Variants in TECPR2 observed in about 807,000 individuals in gnomAD.
TECPR2 encodes tectonin beta-propeller repeat containing 2.
Under a neutral mutation model 138.1 loss-of-function variants are expected in TECPR2, and 65 were observed. The ratio of observed to expected loss-of-function variants is 0.47; its 90% CI spans 0.39 to 0.58. The LOEUF (loss-of-function observed/expected upper bound fraction) is 0.58. Ranked by LOEUF, TECPR2 falls within the 20% of genes least tolerant of loss-of-function variation. The pLI is 0.00. For missense variants in TECPR2, 1,553 were observed against 1,824.5 expected (o/e 0.85, Z 2.71); for synonymous variants, 746 against 749.8 (o/e 0.99, Z 0.08).
chr14:102,437,747 A>G (rs1889706627), intron 9 of TECPR2, among the ~76,000 whole-genome samples: 1 of 152,132 alleles, frequency 6.6e-6, no homozygotes, highest in Non-Finnish European at 1.5e-5. Flanking sequence ...GTGATGCTCT[A>G]AGCGTTACAT....
At chr14:102,438,329 G>A in intron 10 of TECPR2, 124 bp downstream of exon 10, 1 of 1,272,228 alleles carries the variant, frequency 7.9e-7, no homozygotes, top group Non-Finnish European at 1.0e-6. Context: ...ACGCTGCCGT[G>A]CGTTCACCAG....
intron 2 of TECPR2, among the ~76,000 whole-genome samples, chr14:102,399,788 G>A (rs1888421057): frequency 6.6e-6 from 1 of 151,176 alleles, no homozygotes; most frequent in Non-Finnish European, 1.5e-5. Context: ...CTGAGATCTG[G>A]CCACTGCGCT....
chr14:102,497,699 G>A lies in TECPR2; in HGVS notation c.4061G>A (p.Gly1354Asp). The change falls in exon 19 of 20, where the codon GGC (glycine) becomes GAC (aspartate). Residue 1354 changes from glycine (G) to aspartate (D), a missense_variant. Coordinates refer to ENST00000359520, the MANE Select transcript of TECPR2 (RefSeq NM_014844.5). ...GGGGACTACTGGAAGAAAATTCCCGGCAGCGTGTCGTGTTTCACAGGCAGG... is the reference window on the plus strand; with the variant it reads ...GGGGACTACTGGAAGAAAATTCCCGACAGCGTGTCGTGTTTCACAGGCAGG... ...PAGDYWKKIP[G>D]SVSCFTVTAS... is the part of the protein sequence containing the mutation. 1 of 1,607,362 alleles carries A rather than the reference G, an allele frequency of 6.2e-7. No homozygotes were observed. The highest frequency in any genetic ancestry group is 8.5e-7 in the Non-Finnish European group (1 of 1,176,838).
At position 102,461,265 on chromosome 14, in the gene TECPR2, G is replaced by A. The variant is rs191165013; in HGVS notation, c.3641-3876G>A. Among the ~76,000 whole-genome samples, 923 of 152,240 alleles carry A rather than the reference G, an allele frequency of 6.1e-3. 2 individuals are homozygous for A. Among genetic ancestry groups the A allele is most frequent in the Non-Finnish European group, 9.4e-3 (641 of 68,024 alleles). On this transcript the variant is annotated intron_variant, in intron 16 of 19. Coordinates refer to ENST00000359520, the MANE Select transcript of TECPR2 (RefSeq NM_014844.5). ...TAAATATGCATTATGTCAGGCATTG[G>A]AATGTTTAGCAAACTAATGAAATTT...
intron 4 of TECPR2, 67 bp downstream of exon 4, chr14:102,408,686 C>T: frequency 6.8e-7 from 1 of 1,469,244 alleles, no homozygotes; most frequent in Non-Finnish European, 9.1e-7. Context: ...ATATTTATAA[C>T]TTGTATTTTT....
chr14:102,403,831 C>T (rs938939712), intron 2 of TECPR2, among the ~76,000 whole-genome samples: 4 of 152,012 alleles, frequency 2.6e-5, no homozygotes, highest in African/African-American at 9.7e-5. Context: ...TGAAACATTG[C>T]TGAAAGAAAT....
intron 1 of TECPR2, among the ~76,000 whole-genome samples, chr14:102,369,553 T>A (rs905301960): frequency 1.2e-4 from 18 of 151,610 alleles, no homozygotes; most frequent in African/African-American, 4.4e-4. Context: ...GCCTCCTGAG[T>A]AGATGGTACT....
chr14:102,391,394 G>A (rs1309717641), intron 2 of TECPR2, among the ~76,000 whole-genome samples: 2 of 152,034 alleles, frequency 1.3e-5, no homozygotes, highest in Non-Finnish European at 2.9e-5. Flanking sequence ...ACACGCATGT[G>A]GTAAAGCTAT....
intron 17 of TECPR2, among the ~76,000 whole-genome samples, chr14:102,469,621 G>GA (rs1307775226): frequency 6.6e-6 from 1 of 152,206 alleles, no homozygotes; most frequent in Non-Finnish European, 1.5e-5. Context: ...GAAGTGGCGA[G>GA]AATGGGCCTC....
intron 2 of TECPR2, among the ~76,000 whole-genome samples, chr14:102,377,303 G>A (rs370235509): frequency 2.0e-3 from 307 of 152,278 alleles, no homozygotes; most frequent in South Asian, 7.9e-3. Context: ...CCACAGGGAT[G>A]ACTGCCACAC....
chr14:102,494,941 G>A (rs1342411607), intron 17 of TECPR2, among the ~76,000 whole-genome samples: 1 of 152,108 alleles, frequency 6.6e-6, no homozygotes, highest in Non-Finnish European at 1.5e-5. Context: ...GGCCAGGCAC[G>A]GTGGCTCACG....
intron 4 of TECPR2, among the ~76,000 whole-genome samples, chr14:102,410,955 C>T (rs922373088): frequency 5.9e-5 from 9 of 152,302 alleles, no homozygotes; most frequent in African/African-American, 1.9e-4. Flanking sequence ...TATCCTGAGT[C>T]GTCCCAATTC....
chr14:102,386,644 G>A (rs565407410), intron 2 of TECPR2, among the ~76,000 whole-genome samples: 1 of 152,278 alleles, frequency 6.6e-6, no homozygotes, highest in East Asian at 1.9e-4. Context: ...GGGATGGGCT[G>A]AGGGAGGAAG....
Position 102,497,670 on chromosome 14 carries a change from C to A in TECPR2, c.4032C>A (p.Pro1344=). ...ARRYGVTDKN[P]AGDYWKKIPG... ...GGTACGGCGTCACAGACAAGAACCCCGCCGGGGACTACTGGAAGAAAATTC... is the reference window on the plus strand; with the variant it reads ...GGTACGGCGTCACAGACAAGAACCCAGCCGGGGACTACTGGAAGAAAATTC... Residue 1344 remains proline, a synonymous_variant, in exon 19 of 20, where the codon CCC becomes CCA. Coordinates refer to ENST00000359520, the MANE Select transcript of TECPR2 (RefSeq NM_014844.5). The A allele has an allele frequency of 6.2e-7, 1 of 1,608,988 alleles. No individual in the cohort carries two copies. The highest frequency in any genetic ancestry group is 1.7e-5 in the Admixed American group (1 of 59,622).
intron 2 of TECPR2, among the ~76,000 whole-genome samples, chr14:102,394,227 G>A (rs925210678): frequency 2.0e-5 from 3 of 151,988 alleles, no homozygotes; most frequent in Non-Finnish European, 2.9e-5. Flanking sequence ...AGAAAGTATC[G>A]AGCACAGAGG....
intron 1 of TECPR2, among the ~76,000 whole-genome samples, chr14:102,367,416 CCTT>C (rs1887373125): frequency 6.6e-6 from 1 of 152,144 alleles, no homozygotes; most frequent in South Asian, 2.1e-4. Flanking sequence ...CACCCTAACC[CCTT>C]CTTCTCCCAG....
intron 1 of TECPR2, among the ~76,000 whole-genome samples, chr14:102,368,425 C>T (rs1015633234): frequency 1.3e-5 from 2 of 152,136 alleles, no homozygotes; most frequent in African/African-American, 4.8e-5. Context: ...AGGCTGGTCT[C>T]AAATTCCTGG....
chr14:102,447,176 G>T (rs924952313), intron 13 of TECPR2, among the ~76,000 whole-genome samples: 4 of 152,068 alleles, frequency 2.6e-5, no homozygotes, highest in African/African-American at 9.7e-5. Context: ...TTTTTCTGGG[G>T]CAGAGTCTCA....
chr14:102,460,093 A>G (rs1346676480), intron 16 of TECPR2, among the ~76,000 whole-genome samples: 4 of 152,050 alleles, frequency 2.6e-5, no homozygotes, highest in Admixed American at 1.3e-4. Flanking sequence ...CAACATAGCA[A>G]AACCCTGTCT....
Sources: allele counts gnomAD v4.1 joint callset (sites outside exome capture counted in the v4.1 genomes callset), GRCh38; gene constraint gnomAD v4.1.1; transcripts MANE v1.5; gene names NCBI Gene and HGNC (gene_info 2026-07-23, HGNC 2026-07-21).